DNAH11: variants seen among roughly 807,000 people sequenced by gnomAD.
DNAH11 encodes the protein dynein axonemal heavy chain 11.
DNAH11 carries 442 observed loss-of-function variants against 526.0 expected under a neutral mutation model. That is an observed-to-expected ratio of 0.84 (90% confidence interval 0.78 to 0.91). The LOEUF is 0.91. DNAH11 is among the 40% of genes least tolerant of loss of function. The pLI is 0.00. For synonymous variants in DNAH11, 2,461 were observed against 1,935.9 expected (o/e 1.27, Z -7.12); for missense variants, 6,989 against 5,448.7 (o/e 1.28, Z -8.90).
chr7:21,692,883 G>A (rs1435875352), intron 35 of DNAH11, among the ~76,000 whole-genome samples: 1 of 152,138 alleles, frequency 6.6e-6, no homozygotes, highest in African/African-American at 2.4e-5. Context: ...AGGTAGTACT[G>A]TGTCCTCCTA....
Position 21,670,709 on chromosome 7 carries a change from A to C in DNAH11, c.5329-10837A>C, listed in dbSNP as rs117808499. ...ATAGAGGAAAATCCTTTCCATTACCACATGCAGAGAGTTTGCATCTTAAAT... is the reference window on the plus strand; with the variant it reads ...ATAGAGGAAAATCCTTTCCATTACCCCATGCAGAGAGTTTGCATCTTAAAT... On this transcript the variant is annotated intron_variant, in intron 30 of 81. Transcript: ENST00000409508. 8.1e-3 allele frequency among the ~76,000 whole-genome samples: 1,231 copies of C among 152,274 alleles called. 45 individuals are homozygous for C. In the South Asian group the frequency reaches 0.087, roughly 11 times the overall value.
In DNAH11 at chr7:21,872,135, A is replaced by AAAACAAAACAAAAC. The variant is rs1554291066; in HGVS notation, c.11968-1136_11968-1135insCAAAACAAAACAAA. ...CGAGACTCTGTCTCAAAAAAAAAAA[A>AAAACAAAACAAAAC]AAAAAAAAAAAAAACCTTCATAATG... is the stretch of plus-strand genomic sequence containing the variant. On this transcript the variant is annotated intron_variant, in intron 73 of 81. Coordinates refer to ENST00000409508, the MANE Select transcript of DNAH11 (RefSeq NM_001277115.2). Among the ~76,000 whole-genome samples, 35 of 137,242 alleles carry AAAACAAAACAAAAC rather than the reference A, an allele frequency of 2.6e-4. 1 individual carries two copies. Among genetic ancestry groups the AAAACAAAACAAAAC allele is most frequent in the African/African-American group, 7.7e-4 (27 of 34,900 alleles). 90.0% of individuals were successfully genotyped at this position (137,242 alleles called of 152,430 possible).
rs754169543 is a variant in DNAH11 at position 21,638,961 on chromosome 7, C to G, written c.4840C>G (p.Leu1614Val). 2 of 1,611,298 alleles carry G rather than the reference C, an allele frequency of 1.2e-6. No homozygotes were observed. Among genetic ancestry groups the G allele is most frequent in the East Asian group, 2.2e-5 (1 of 44,866 alleles). The part of the protein sequence containing the change: ...QSRLSLCEKA[L>V]AEYLETKRIA... ...TAGGCTTTCTCTTTGTGAAAAAGCT[C>G]TCGCTGAATACCTGGAAACCAAGCG... Residue 1614 changes from leucine (L) to valine (V), a missense_variant, in exon 28 of 82, where the codon CTC (leucine) becomes GTC (valine). By Grantham distance (32) the Leu-to-Val change is conservative (BLOSUM62 1). Transcript: ENST00000409508.
In DNAH11 at chr7:21,811,319, G is replaced by A. The variant is rs1393670667; in HGVS notation, c.10332+3270G>A. ...CCCCTACTAAAAATTAGCCAGGCGT[G>A]GTGGTGGGTGCCTGTAATCCAGGCT... On this transcript the variant is annotated intron_variant, in intron 63 of 81. Coordinates refer to ENST00000409508, the MANE Select transcript of DNAH11 (RefSeq NM_001277115.2). Among the ~76,000 whole-genome samples the A allele has an allele frequency of 2.0e-4, 31 of 151,954 alleles. 1 individual carries two copies. Among genetic ancestry groups the A allele is most frequent in the Admixed American group, 2.0e-3 (31 of 15,252 alleles).
chr7:21,754,426 C>G (rs891146441), intron 54 of DNAH11, among the ~76,000 whole-genome samples: 1 of 151,992 alleles, frequency 6.6e-6, no homozygotes, highest in African/African-American at 2.4e-5. Context: ...TCCTTTGGGT[C>G]TGTGTGTAGG....
In DNAH11 at chr7:21,739,650, T is replaced by A. The variant is rs746587907; in HGVS notation, c.7891T>A (p.Phe2631Ile). 9.9e-6 allele frequency: 16 copies of A among 1,612,752 alleles called. No individual in the cohort carries two copies. In the East Asian group the frequency reaches 3.6e-4, roughly 36 times the overall value. The change falls in exon 48 of 82, where the codon TTC (phenylalanine) becomes ATC (isoleucine). Residue 2631 changes from phenylalanine (F) to isoleucine (I), a missense_variant. Phe to Ile is a conservative substitution (Grantham distance 21). Transcript: ENST00000409508. ...VACMNPMVGS[F>I]TINPRLQRHF... ...CTGCATGAATCCGATGGTGGGCAGC[T>A]TCACCATCAATCCCAGGCTACAGGT...
intron 30 of DNAH11, among the ~76,000 whole-genome samples, chr7:21,678,374 T>C (rs1320613545): frequency 6.6e-6 from 1 of 152,080 alleles, no homozygotes; most frequent in Non-Finnish European, 1.5e-5. Flanking sequence ...AGTTGAAAAA[T>C]TTATTTTTTA....
In DNAH11 at chr7:21,875,906, CAG is replaced by C. The variant is rs1366346787; in HGVS notation, c.12195+2408_12195+2409del. Among the ~76,000 whole-genome samples, 12 of 101,158 alleles carry C rather than the reference CAG, an allele frequency of 1.2e-4. No individual in the cohort carries two copies. In the East Asian group the frequency reaches 2.8e-3, roughly 24 times the overall value. The allele number at this position is 101,158 out of a possible 152,430, so 66.4% of individuals were successfully genotyped here. A position where few individuals can be genotyped will look rare whatever the true frequency, so the allele number is the denominator to read the frequency against. ...TTTTTTTTTTTTTTTTTTTTTGAGA[CAG>C]AGTCTCACTCTATCGCCCAGGCTGG... On this transcript the variant is annotated intron_variant, in intron 74 of 81. Coordinates refer to ENST00000409508, the MANE Select transcript of DNAH11 (RefSeq NM_001277115.2).
chr7:21,873,091 CTT>C (rs911956193), intron 73 of DNAH11, among the ~76,000 whole-genome samples, 181 bp from the exon 74 acceptor site: 18 of 132,886 alleles, frequency 1.4e-4, no homozygotes, highest in Admixed American at 1.5e-4. Context: ...TCCCTTTTGG[CTT>C]TTTTTTTTTT....
intron 35 of DNAH11, among the ~76,000 whole-genome samples, chr7:21,693,307 T>G (rs1157194224): frequency 1.3e-5 from 2 of 152,240 alleles, no homozygotes; most frequent in Non-Finnish European, 2.9e-5. Flanking sequence ...CGGTGTTGCA[T>G]TCCAGGGATA....
chr7:21,583,712 A>G (rs1784391365), intron 9 of DNAH11, among the ~76,000 whole-genome samples: 1 of 152,244 alleles, frequency 6.6e-6, no homozygotes, highest in Non-Finnish European at 1.5e-5. Context: ...TCCAGAATCT[A>G]CAAGGAACTT....
chr7:21,698,261 A>G, intron 36 of DNAH11, 48 bp downstream of exon 36: 2 of 1,598,748 alleles, frequency 1.3e-6, no homozygotes, highest in Non-Finnish European at 1.7e-6. Flanking sequence ...ACCATTGAAA[A>G]AGCTTTTGAA....
intron 74 of DNAH11, among the ~76,000 whole-genome samples, chr7:21,877,200 G>A (rs886548051): frequency 2.2e-4 from 34 of 152,168 alleles, no homozygotes; most frequent in Non-Finnish European, 3.8e-4. Flanking sequence ...TACTGCTAGG[G>A]TATTTTTCAA....
At chr7:21,804,835 C>T (rs919448865) in intron 62 of DNAH11, among the ~76,000 whole-genome samples, 5 of 152,202 alleles carry the variant, frequency 3.3e-5, no homozygotes, top group Admixed American at 6.5e-5. Context: ...CACATCACTC[C>T]TTCACTCAGA....
At chr7:21,617,358 T>A (rs571909557) in intron 22 of DNAH11, among the ~76,000 whole-genome samples, 30 of 152,216 alleles carry the variant, frequency 2.0e-4, no homozygotes, top group Admixed American at 1.6e-3. Flanking sequence ...GTTACTTACC[T>A]GTGTTTCCTC....
At chr7:21,827,625 A>T (rs1790362315) in intron 65 of DNAH11, among the ~76,000 whole-genome samples, 1 of 151,534 alleles carries the variant, frequency 6.6e-6, no homozygotes, top group South Asian at 2.1e-4. Flanking sequence ...ATTGGCTAAT[A>T]GAAATATTAA....
chr7:21,691,204 G>A (rs1181368403), intron 35 of DNAH11, among the ~76,000 whole-genome samples: 5 of 145,152 alleles, frequency 3.4e-5, no homozygotes, highest in Non-Finnish European at 4.5e-5. Context: ...CAGTCAAAGT[G>A]CATTTTATTG....
At chr7:21,581,159 G>A (rs1210852986) in intron 8 of DNAH11, among the ~76,000 whole-genome samples, 1 of 152,158 alleles carries the variant, frequency 6.6e-6, no homozygotes, top group African/African-American at 2.4e-5. Context: ...GAAATCTGTG[G>A]TGTGTACTTC....
chr7:21,789,763 C>CTTTCTTTCTT (rs1482629047), intron 61 of DNAH11, among the ~76,000 whole-genome samples: 1 of 72,998 alleles, frequency 1.4e-5, no homozygotes, highest in Admixed American at 1.6e-4. Flanking sequence ...ATTTCTTTCT[C>CTTTCTTTCTT]TCTTTCTTTC....
Sources: allele counts gnomAD v4.1 joint callset (sites outside exome capture counted in the v4.1 genomes callset), GRCh38; gene constraint gnomAD v4.1.1; transcripts MANE v1.5; gene names NCBI Gene and HGNC (gene_info 2026-07-23, HGNC 2026-07-21).